The following RBPJ variants were observed in gnomAD, a reference collection of about 807,000 sequenced individuals.
RBPJ encodes recombination signal binding protein for immunoglobulin kappa J region, also known as recombining binding protein suppressor of hairless.
Under a neutral mutation model 67.8 loss-of-function variants are expected in RBPJ, and 9 were observed. The ratio of observed to expected loss-of-function variants is 0.13; its 90% CI spans 0.08 to 0.23. RBPJ has a LOEUF of 0.23. Among genes scored for constraint, RBPJ ranks in the 10% least tolerant of loss-of-function variants. The pLI, the probability that RBPJ is intolerant of heterozygous loss-of-function variation, is 1.00. For synonymous variants in RBPJ, 198 were observed against 203.3 expected (o/e 0.97, Z 0.22); for missense variants, 305 against 595.6 (o/e 0.51, Z 5.08).
intron 1 of RBPJ, among the ~76,000 whole-genome samples, chr4:26,192,401 A>G (rs1225771561): frequency 6.6e-6 from 1 of 152,214 alleles, no homozygotes; most frequent in Non-Finnish European, 1.5e-5. Context: ...TCATCTAAGT[A>G]TTTGTCCTGC....
intron 1 of RBPJ, among the ~76,000 whole-genome samples, chr4:26,195,180 C>A (rs1483749650): frequency 6.6e-6 from 1 of 152,076 alleles, no homozygotes. Flanking sequence ...ACCAGCCTGG[C>A]CAACATAGCG....
chr4:26,169,356 G>A (rs1716462140), intron 1 of RBPJ, among the ~76,000 whole-genome samples: 2 of 152,216 alleles, frequency 1.3e-5, no homozygotes. Flanking sequence ...TATTTGCCTG[G>A]GTATCAGCAG....
In RBPJ at chr4:26,225,757, T is replaced by TA. The variant is rs200105044; in HGVS notation, c.-167+62152dup. 3.5e-3 allele frequency among the ~76,000 whole-genome samples: 521 copies of TA among 150,644 alleles called. 4 individuals carry two copies. Among genetic ancestry groups the TA allele is most frequent in the African/African-American group, 0.011 (460 of 41,070 alleles). On this transcript the variant is annotated intron_variant, in intron 1 of 4. Transcript: ENST00000512351. ...TTTTTCTGGAAAATTAATGCCATTG[T>TA]AAAAAAAAAGATCTATTAATTTTAA... is the stretch of plus-strand genomic sequence containing the variant.
chr4:26,360,537 AAGGAGACTGT>A (rs1004048504), intron 1 of RBPJ, among the ~76,000 whole-genome samples: 7 of 151,952 alleles, frequency 4.6e-5, no homozygotes, highest in Non-Finnish European at 1.0e-4. Context: ...AGCATAAAGG[AAGGAGACTGT>A]AGTAACTAGC....
intron 1 of RBPJ, among the ~76,000 whole-genome samples, chr4:26,333,016 T>A (rs1405669144): frequency 2.0e-5 from 3 of 152,198 alleles, no homozygotes; most frequent in Admixed American, 2.0e-4. Context: ...ATAATCACTG[T>A]TAACAATTGG....
intron 2 of RBPJ, among the ~76,000 whole-genome samples, chr4:26,388,869 AAT>A (rs1731199991): frequency 1.3e-5 from 2 of 152,286 alleles, no homozygotes; most frequent in South Asian, 4.1e-4. Flanking sequence ...TGAATAAAAC[AAT>A]ATATGAAGAA....
chr4:26,330,885 A>G (rs760038757), intron 1 of RBPJ, among the ~76,000 whole-genome samples: 7 of 152,236 alleles, frequency 4.6e-5, no homozygotes, highest in Non-Finnish European at 7.3e-5. Context: ...ATCTAATGGT[A>G]ACTTACATAA....
intron 1 of RBPJ, among the ~76,000 whole-genome samples, chr4:26,211,770 G>A (rs1421681032): frequency 6.6e-6 from 1 of 152,126 alleles, no homozygotes; most frequent in African/African-American, 2.4e-5. Context: ...AAATCCATAT[G>A]TTGAAGTCTG....
rs73113401 is a variant in RBPJ, at chr4:26,348,505, A to C, written c.20+27457A>C. On this transcript the variant is annotated intron_variant, in intron 1 of 10. Transcript: ENST00000355476. ...TTTTCTTTTAACTGATTGCCTCTAG[A>C]CTTTTGATTGCTTGCTCTTATCAGT... 3.0e-3 allele frequency among the ~76,000 whole-genome samples: 453 copies of C among 152,210 alleles called. 1 individual carries two copies. The highest frequency in any genetic ancestry group is 0.01 in the African/African-American group (436 of 41,542).
intron 2 of RBPJ, 134 bp downstream of exon 2, chr4:26,386,525 A>G (rs755612092): frequency 6.0e-5 from 35 of 585,514 alleles, no homozygotes; most frequent in Non-Finnish European, 9.8e-5. Context: ...CTTATTCTCA[A>G]ACTTCCTTTC....
intron 1 of RBPJ, among the ~76,000 whole-genome samples, chr4:26,299,322 A>G (rs1721990645): frequency 6.6e-6 from 1 of 152,182 alleles, no homozygotes; most frequent in Non-Finnish European, 1.5e-5. Flanking sequence ...GATTCACCCA[A>G]ATTTCATGCT....
At chr4:26,379,387 C>T (rs1321892394) in intron 1 of RBPJ, among the ~76,000 whole-genome samples, 1 of 152,136 alleles carries the variant, frequency 6.6e-6, no homozygotes, top group Non-Finnish European at 1.5e-5. Context: ...CTATAAAGAA[C>T]TGCTTGAGAC....
intron 1 of RBPJ, among the ~76,000 whole-genome samples, chr4:26,174,411 A>AT (rs1275684226): frequency 6.6e-6 from 1 of 152,222 alleles, no homozygotes; most frequent in African/African-American, 2.4e-5. Flanking sequence ...AACTTTATGC[A>AT]TTAGAGCTGT....
chr4:26,210,866 T>C (rs1718396363), intron 1 of RBPJ, among the ~76,000 whole-genome samples: 2 of 151,086 alleles, frequency 1.3e-5, no homozygotes, highest in African/African-American at 4.9e-5. Flanking sequence ...TAGTTATGGG[T>C]ACTTTCAACC....
intron 1 of RBPJ, among the ~76,000 whole-genome samples, chr4:26,253,470 C>G (rs1044552911): frequency 1.3e-5 from 2 of 150,004 alleles, no homozygotes; most frequent in Non-Finnish European, 2.9e-5. Flanking sequence ...CGCCACTACG[C>G]CCGGCTAATT....
At chr4:26,386,481 A>C in intron 2 of RBPJ, 90 bp downstream of exon 2, 1 of 825,372 alleles carries the variant, frequency 1.2e-6, no homozygotes, top group South Asian at 1.8e-5. Context: ...AGGTACCCTT[A>C]AAGTCATTCA....
intron 1 of RBPJ, among the ~76,000 whole-genome samples, chr4:26,339,648 CA>C (rs796872805): frequency 1.3e-5 from 2 of 151,030 alleles, no homozygotes; most frequent in Non-Finnish European, 3.0e-5. Flanking sequence ...AACAAACGAA[CA>C]AAAAAAACCT....
chr4:26,286,785 C>CCT (rs1721480821), intron 1 of RBPJ, among the ~76,000 whole-genome samples: 1 of 139,302 alleles, frequency 7.2e-6, no homozygotes, highest in African/African-American at 2.6e-5. Flanking sequence ...TAAAGTAAAA[C>CCT]CTCTTTTTTT....
At chr4:26,350,996 T>C (rs572092293) in intron 1 of RBPJ, among the ~76,000 whole-genome samples, 2 of 152,332 alleles carry the variant, frequency 1.3e-5, no homozygotes, top group Non-Finnish European at 2.9e-5. Flanking sequence ...TTTTGTGTGA[T>C]AGCCTTGAGC....
Sources: allele counts gnomAD v4.1 joint callset (sites outside exome capture counted in the v4.1 genomes callset), GRCh38; gene constraint gnomAD v4.1.1; transcripts MANE v1.5; gene names NCBI Gene and HGNC (gene_info 2026-07-23, HGNC 2026-07-21).